Variants in OS9 observed in about 807,000 individuals in gnomAD.
OS9 encodes OS9 endoplasmic reticulum lectin.
OS9 carries 58 observed loss-of-function variants against 84.7 expected under a neutral mutation model. The observed-to-expected ratio is 0.68, with a 90% CI of 0.55 to 0.85. The LOEUF (loss-of-function observed/expected upper bound fraction) is 0.85, where lower values mean the gene tolerates loss of function less well. Among genes scored for constraint, OS9 ranks in the 40% least tolerant of loss-of-function variants. The pLI is 0.00. For missense variants in OS9, 760 were observed against 850.9 expected (o/e 0.89, Z 1.33); for synonymous variants, 278 against 320.8 (o/e 0.87, Z 1.43).
At chr12:57,711,434 C>A (rs969740678) in intron 5 of OS9, among the ~76,000 whole-genome samples, 2 of 150,672 alleles carry the variant, frequency 1.3e-5, no homozygotes, top group Non-Finnish European at 2.9e-5. Flanking sequence ...GCAACCTCCA[C>A]CTCCCGGGTT....
chr12:57,705,798 C>G (rs889488330), intron 5 of OS9, among the ~76,000 whole-genome samples: 1 of 152,180 alleles, frequency 6.6e-6, no homozygotes, highest in Non-Finnish European at 1.5e-5. Flanking sequence ...GCTGGGATTA[C>G]AGGCAATGAG....
rs761519710 is a variant in OS9 at position 57,718,256 on chromosome 12, AGAGGAG to A, written c.1248_1253del (p.Glu416_Glu417del). The A allele has an allele frequency of 1.4e-5, 22 of 1,613,642 alleles. No homozygotes were observed. The highest frequency in any genetic ancestry group is 1.8e-5 in the Non-Finnish European group (21 of 1,179,712). Reference sequence around the variant, plus strand: ...CAGAACGGCAGAGAGAGATGGAAGAAGAGGAGGATGAGGATGAGGATGAGGATGAAG... The same window carrying A: ...CAGAACGGCAGAGAGAGATGGAAGAAGATGAGGATGAGGATGAGGATGAAG... On this transcript the variant is annotated inframe_deletion, in exon 11 of 15. Transcript: ENST00000315970.
Position 57,720,867 on chromosome 12 carries a change from A to G in OS9, c.1962A>G (p.Pro654=), listed in dbSNP as rs142322896. 596 of 1,614,096 alleles carry G rather than the reference A, an allele frequency of 3.7e-4. 1 individual carries two copies. In the African/African-American group the frequency reaches 7.2e-3, roughly 19 times the overall value. The change falls in exon 15 of 15, where the codon CCA becomes CCG. Residue 654 remains proline (P), a synonymous_variant. Transcript: ENST00000315970. ...ESNYRRVWGS[P]GGEGTGDLDE... is the part of the protein sequence containing the mutation. ...ATTACCGCCGGGTGTGGGGCTCTCC[A>G]GGTGGGGAGGGCACAGGGGACCTGG...
rs774754332 is a variant in OS9, at chr12:57,716,416, G to C, written c.897G>C (p.Ala299=). 1.2e-5 allele frequency: 18 copies of C among 1,555,166 alleles called. No homozygotes were observed. In the African/African-American group the frequency reaches 1.4e-4, roughly 12 times the overall value. Residue 299 remains alanine, a synonymous_variant, in exon 8 of 15, where the codon GCG becomes GCC. Coordinates refer to ENST00000315970, the MANE Select transcript of OS9 (RefSeq NM_006812.4). ...TCCCTGTTCTCTGTACCCTAGGTGC[G>C]AGCCCGACCAAGGATGACAGTAAGG... ...SGVAPQKMAG[A]SPTKDDSKDS... is the part of the protein sequence containing the mutation.
At chr12:57,708,742 A>G (rs1285413982) in intron 5 of OS9, among the ~76,000 whole-genome samples, 1 of 152,148 alleles carries the variant, frequency 6.6e-6, no homozygotes, top group Non-Finnish European at 1.5e-5. Flanking sequence ...CTTGCTTTAA[A>G]TCTTTTATTA....
At chr12:57,700,732 C>T (rs1161667257) in intron 5 of OS9, among the ~76,000 whole-genome samples, 4 of 149,518 alleles carry the variant, frequency 2.7e-5, no homozygotes, top group South Asian at 2.1e-4. Flanking sequence ...TGGATGTTAG[C>T]GGAAAGGAGG....
Position 57,717,943 on chromosome 12 carries a change from AG to A in OS9, c.1121del (p.Gly374ValfsTer10). ...DLIRFIEELK[G>X]GTKKGKPNIG... ...TGATTCGATTCATAGAGGAGCTGAA[AG>A]GTGGAACAAAAAAGGTATAGGCCGT... On this transcript the variant is annotated frameshift_variant, in exon 10 of 15. Transcript: ENST00000315970. LOFTEE classifies it high-confidence loss of function. 1 of 1,612,616 alleles carries A rather than the reference AG, an allele frequency of 6.2e-7. No individual in the cohort carries two copies. Among genetic ancestry groups the A allele is most frequent in the Non-Finnish European group, 8.5e-7 (1 of 1,179,416 alleles).
intron 5 of OS9, among the ~76,000 whole-genome samples, chr12:57,714,316 C>T (rs1324627682): frequency 1.3e-5 from 2 of 152,122 alleles, no homozygotes; most frequent in African/African-American, 2.4e-5. Flanking sequence ...AAGCAATTCT[C>T]CTGCCTCAGC....
chr12:57,716,599 AG>A, intron 8 of OS9, 87 bp downstream of exon 8: 1 of 1,498,842 alleles, frequency 6.7e-7, no homozygotes, highest in East Asian at 2.3e-5. Flanking sequence ...ACATCTACCT[AG>A]GGATGCAAGG....
intron 5 of OS9, among the ~76,000 whole-genome samples, chr12:57,706,193 G>A (rs73335910): frequency 0.013 from 2,006 of 152,212 alleles, 40 homozygotes; most frequent in African/African-American, 0.046. Context: ...TACCTAGACT[G>A]CTGGATATTT....
rs752171332 is a variant in OS9, at chr12:57,694,873, C to A, written c.286C>A (p.Pro96Thr). ...REEETPAYQG[P>T]GIPELLSPMR... is the part of the protein sequence containing the mutation. Reference sequence around the variant, plus strand: ...GGAGGAAACACCTGCTTACCAAGGGCCTGGGATCCCTGAGTTGTTGAGCCC... The same window carrying A: ...GGAGGAAACACCTGCTTACCAAGGGACTGGGATCCCTGAGTTGTTGAGCCC... Residue 96 changes from proline to threonine, a missense_variant, in exon 2 of 15, where the codon CCT becomes ACT. Pro to Thr is a conservative substitution (Grantham distance 38). Transcript: ENST00000315970. 28 of 1,614,040 alleles carry A rather than the reference C, an allele frequency of 1.7e-5. No individual in the cohort carries two copies. The Admixed American group carries it at 3.8e-4, about 22-fold the overall frequency.
In OS9 at chr12:57,708,331, A is replaced by T. The variant is rs560840786; in HGVS notation, c.580-7429A>T. Among the ~76,000 whole-genome samples the T allele has an allele frequency of 9.2e-5, 14 of 151,612 alleles. No individual in the cohort carries two copies. In the East Asian group the frequency reaches 1.4e-3, roughly 15 times the overall value. ...CTTTGCACTCTTTCCAAATCAATAT[A>T]TATATAAAACCTTACTTGGGCCAGG... On this transcript the variant is annotated intron_variant, in intron 5 of 14. Coordinates refer to ENST00000315970, the MANE Select transcript of OS9 (RefSeq NM_006812.4).
At chr12:57,707,762 C>CT (rs985823334) in intron 5 of OS9, among the ~76,000 whole-genome samples, 13 of 151,738 alleles carry the variant, frequency 8.6e-5, no homozygotes, top group Admixed American at 5.9e-4. Context: ...ATTCTGATTT[C>CT]TTTTTTTTCT....
chr12:57,721,091 A>G lies in OS9; in HGVS notation c.*182A>G. On this transcript the variant is annotated 3_prime_UTR_variant, in exon 15 of 15. Coordinates refer to ENST00000315970, the MANE Select transcript of OS9 (RefSeq NM_006812.4). ...GGTGAATGCTGCTGCCCCTGCTGGC[A>G]GCCACCTTGAGACCTCACCGGGCCT... 2 of 612,508 alleles carry G rather than the reference A, an allele frequency of 3.3e-6. No individual in the cohort carries two copies. The highest frequency in any genetic ancestry group is 2.9e-5 in the East Asian group (1 of 33,972). 37.9% of individuals were successfully genotyped at this position (612,508 alleles called of 1,614,324 possible).
intron 5 of OS9, among the ~76,000 whole-genome samples, chr12:57,713,027 G>T (rs550747143): frequency 2.1e-4 from 32 of 152,268 alleles, no homozygotes; most frequent in Admixed American, 1.4e-3. Flanking sequence ...GGGCCCCTTT[G>T]TCGGGCTAGT....
At chr12:57,708,497 G>A (rs1467934922) in intron 5 of OS9, among the ~76,000 whole-genome samples, 2 of 151,562 alleles carry the variant, frequency 1.3e-5, no homozygotes, top group East Asian at 2.0e-4. Context: ...GTGTGGTAGT[G>A]TGTGCCTGTG....
chr12:57,710,902 G>A (rs1954306328), intron 5 of OS9, among the ~76,000 whole-genome samples: 1 of 151,814 alleles, frequency 6.6e-6, no homozygotes, highest in Admixed American at 6.6e-5. Context: ...TACAGGGTGT[G>A]GTGAGGCATG....
Position 57,695,802 on chromosome 12 carries a change from A to C in OS9, c.362A>C (p.Glu121Ala). 1 of 1,611,216 alleles carries C rather than the reference A, an allele frequency of 6.2e-7. No individual in the cohort carries two copies. Among genetic ancestry groups the C allele is most frequent in the Non-Finnish European group, 8.5e-7 (1 of 1,177,342 alleles). Residue 121 changes from glutamate (E) to alanine (A), a missense_variant, in exon 3 of 15, where the codon GAA becomes GCA. Transcript: ENST00000315970. ...CAGACAAAGGACTGGTGGACATATG[A>C]ATTCTGTTATGGACGCCACATCCAG... ...LLKTKDWWTY[E>A]FCYGRHIQQY...
intron 12 of OS9, chr12:57,719,641 C>A: frequency 5.2e-6 from 1 of 193,046 alleles, no homozygotes; most frequent in Admixed American, 5.4e-5. Context: ...CCCTTGTGTC[C>A]ATTTCATAGT....
Sources: allele counts gnomAD v4.1 joint callset (sites outside exome capture counted in the v4.1 genomes callset), GRCh38; gene constraint gnomAD v4.1.1; transcripts MANE v1.5; gene names NCBI Gene and HGNC (gene_info 2026-07-23, HGNC 2026-07-21).